PACRGL: variants seen among roughly 807,000 people sequenced by gnomAD.
PACRGL encodes the protein PACRG-like protein.
Under a neutral mutation model 34.5 loss-of-function variants are expected in PACRGL, and 38 were observed. The ratio of observed to expected loss-of-function variants is 1.10; its 90% CI spans 0.85 to 1.44. PACRGL has a LOEUF of 1.44. Ranked by LOEUF, PACRGL falls within the 40% of genes most tolerant of loss-of-function variation. PACRGL has a pLI of 0.00. For missense variants in PACRGL, 305 were observed against 281.4 expected (o/e 1.08, Z -0.60); for synonymous variants, 128 against 100.1 (o/e 1.28, Z -1.66).
chr4:20,747,329 A>G (rs1320924433), intron 8 of PACRGL, among the ~76,000 whole-genome samples: 2 of 152,216 alleles, frequency 1.3e-5, no homozygotes, highest in African/African-American at 4.8e-5. Flanking sequence ...GAAGCCAGCT[A>G]TAAAAGTTTA....
At chr4:20,718,589 G>A (rs1386316159) in intron 7 of PACRGL, among the ~76,000 whole-genome samples, 15 of 151,950 alleles carry the variant, frequency 9.9e-5, no homozygotes, top group African/African-American at 3.1e-4. Flanking sequence ...CGAGATAATC[G>A]TGGTTTTTGT....
downstream of PACRGL, among the ~76,000 whole-genome samples, chr4:20,736,319 C>T (rs185593706): frequency 3.2e-4 from 49 of 152,176 alleles, no homozygotes; most frequent in Admixed American, 8.5e-4. Flanking sequence ...GTTTATTTAA[C>T]CAAATTGTTC....
At chr4:20,725,376 C>T (rs986660463) in intron 8 of PACRGL, among the ~76,000 whole-genome samples, 12 of 151,556 alleles carry the variant, frequency 7.9e-5, no homozygotes, top group African/African-American at 1.7e-4. Context: ...CACACACACA[C>T]GGACACATAT....
chr4:20,698,718 A>T (rs1011885651), upstream of PACRGL, among the ~76,000 whole-genome samples: 4 of 152,224 alleles, frequency 2.6e-5, no homozygotes, highest in African/African-American at 9.6e-5. Flanking sequence ...GCTTATACTA[A>T]TTGTTATTAT....
chr4:20,698,397 T>C (rs1731325795), upstream of PACRGL, among the ~76,000 whole-genome samples: 1 of 152,188 alleles, frequency 6.6e-6, no homozygotes, highest in Admixed American at 6.5e-5. Flanking sequence ...GTTTCTCACA[T>C]ATTGTGAGCT....
At chr4:20,699,694 A>T (rs12108513), upstream of PACRGL, among the ~76,000 whole-genome samples, 481 of 152,196 alleles carry the variant, frequency 3.2e-3, 1 homozygote, top group African/African-American at 0.011. Flanking sequence ...GAGGATGCTA[A>T]AGAGGAGTGC....
In PACRGL at chr4:20,727,556, G is replaced by T. The variant is rs933790333; in HGVS notation, c.*215G>T. On this transcript the variant is annotated 3_prime_UTR_variant, in exon 9 of 9. Coordinates refer to ENST00000503585, the MANE Select transcript of PACRGL (RefSeq NM_001258345.3). ...ATAAGTTCTATAAGAGTACAATTTT[G>T]AGGTTTATTTTTTGTATTTTTATTA... 31 of 425,394 alleles carry T rather than the reference G, an allele frequency of 7.3e-5. No individual in the cohort carries two copies. Among genetic ancestry groups the T allele is most frequent in the Non-Finnish European group, 1.3e-4 (30 of 238,022 alleles). 26.4% of individuals were successfully genotyped at this position (425,394 alleles called of 1,614,324 possible). A position where few individuals can be genotyped will look rare whatever the true frequency, so the allele number is the denominator to read the frequency against.
chr4:20,758,920 G>A, the PACRGL span: 2 of 1,580,998 alleles, frequency 1.3e-6, no homozygotes, highest in Non-Finnish European at 1.7e-6. Flanking sequence ...AGCAATATGA[G>A]CAAAGTGTTC....
At position 20,729,968 on chromosome 4, in the gene PACRGL, C is replaced by CATAA. The variant is rs1461963355; in HGVS notation, c.*2628_*2631dup. 1.6e-6 allele frequency: 2 copies of CATAA among 1,235,568 alleles called. No homozygotes were observed. Among genetic ancestry groups the CATAA allele is most frequent in the Non-Finnish European group, 2.2e-6 (2 of 913,920 alleles). 76.5% of individuals were successfully genotyped at this position (1,235,568 alleles called of 1,614,324 possible). Reference sequence around the variant, plus strand: ...TTTATATTAAAACAAAGCTTGTTTGCATAATATGCTTCAGTGTCAAGCTGA... The same window carrying CATAA: ...TTTATATTAAAACAAAGCTTGTTTGCATAAATAATATGCTTCAGTGTCAAGCTGA... On this transcript the variant is annotated 3_prime_UTR_variant, in exon 9 of 9. Coordinates refer to ENST00000503585, the MANE Select transcript of PACRGL (RefSeq NM_001258345.3).
rs966870191 is a variant in PACRGL at position 20,712,923 on chromosome 4, G to C, written c.501+1G>C. Reference sequence around the variant, plus strand: ...GATTCCTGTGCTAAAGGCAGCTCTGGTATGTCATTTATTTCATTGTACTTT... The same window carrying C: ...GATTCCTGTGCTAAAGGCAGCTCTGCTATGTCATTTATTTCATTGTACTTT... On this transcript the variant is annotated splice_donor_variant, in intron 6 of 8. Coordinates refer to ENST00000503585, the MANE Select transcript of PACRGL (RefSeq NM_001258345.3). LOFTEE classifies it high-confidence loss of function. 1.3e-6 allele frequency: 2 copies of C among 1,550,538 alleles called. No homozygotes were observed. Among genetic ancestry groups the C allele is most frequent in the Non-Finnish European group, 1.7e-6 (2 of 1,146,192 alleles).
intron 7 of PACRGL, among the ~76,000 whole-genome samples, chr4:20,718,238 G>T (rs189167286): frequency 1.3e-5 from 2 of 152,124 alleles, no homozygotes; most frequent in Admixed American, 1.3e-4. Context: ...GGGCTGAGAC[G>T]ATGGGGTTTT....
intron 4 of PACRGL, among the ~76,000 whole-genome samples, chr4:20,709,150 A>T (rs10034054): frequency 6.6e-5 from 10 of 151,930 alleles, no homozygotes; most frequent in Admixed American, 5.2e-4. Flanking sequence ...AAAAAAAAGC[A>T]GTTAAAAGAA....
chr4:20,722,822 T>A (rs1743980982), intron 7 of PACRGL, among the ~76,000 whole-genome samples: 1 of 152,150 alleles, frequency 6.6e-6, no homozygotes, highest in African/African-American at 2.4e-5. Context: ...GCAAGGGAAG[T>A]TCTATACCGC....
chr4:20,757,016 A>G (rs1754531848), downstream of PACRGL, among the ~76,000 whole-genome samples: 3 of 151,994 alleles, frequency 2.0e-5, no homozygotes, highest in Admixed American at 2.0e-4. Flanking sequence ...TGAGCCTCAC[A>G]TTTGTGCCAA....
intron 7 of PACRGL, among the ~76,000 whole-genome samples, chr4:20,723,435 TTGTTTTTG>T (rs898184190): frequency 2.0e-5 from 3 of 151,408 alleles, no homozygotes; most frequent in Non-Finnish European, 4.4e-5. Flanking sequence ...TTTTGTTTTT[TTGTTTTTG>T]TTTTTGCAGG....
intron 7 of PACRGL, among the ~76,000 whole-genome samples, chr4:20,723,850 G>T (rs758934596): frequency 5.9e-5 from 9 of 152,216 alleles, no homozygotes; most frequent in Non-Finnish European, 1.2e-4. Context: ...GAAATAGGTT[G>T]TGTGAGGGTT....
chr4:20,709,940 A>AT (rs1429204530), intron 5 of PACRGL, 167 bp downstream of exon 5: 1 of 535,820 alleles, frequency 1.9e-6, no homozygotes, highest in Non-Finnish European at 3.3e-6. Context: ...TGATTCTTAT[A>AT]TAGTTATTTG....
intron 7 of PACRGL, 39 bp downstream of exon 7, chr4:20,713,578 T>C (rs964123889): frequency 6.8e-6 from 10 of 1,471,430 alleles, no homozygotes; most frequent in Middle Eastern, 1.7e-4. Flanking sequence ...TGACTGTATG[T>C]ATCATGCACC....
At chr4:20,757,328 C>T (rs1754565100), downstream of PACRGL, among the ~76,000 whole-genome samples, 4 of 152,300 alleles carry the variant, frequency 2.6e-5, no homozygotes, top group South Asian at 2.1e-4. Flanking sequence ...TCTAATTAGT[C>T]TCCCTGCCTG....
Sources: gnomAD v4.1 joint callset for allele counts (sites outside exome capture counted in the v4.1 genomes callset) on GRCh38, gnomAD v4.1.1 for gene constraint, MANE v1.5 for transcripts, NCBI Gene and HGNC (gene_info 2026-07-23, HGNC 2026-07-21) for gene names.